The following MIPOL1 variants were observed in gnomAD, a reference collection of about 807,000 sequenced individuals.
The protein encoded by MIPOL1 is mirror-image polydactyly gene 1 protein.
Under a neutral mutation model 60.9 loss-of-function variants are expected in MIPOL1, and 57 were observed. The observed-to-expected ratio is 0.94, with a 90% CI of 0.76 to 1.17. The LOEUF is 1.17. Ranked by LOEUF, MIPOL1 falls within the 50% of genes most tolerant of loss-of-function variation. The probability of loss-of-function intolerance (pLI) is 0.00; values close to 1 mark genes in which losing one functional copy is unlikely to be tolerated. For synonymous variants in MIPOL1, 179 were observed against 168.8 expected, an observed-to-expected ratio of 1.06 and a Z score of -0.47; for missense variants, 551 against 511.6, an observed-to-expected ratio of 1.08 and a Z score of -0.74.
At chr14:37,363,043 A>G (rs1273366131) in intron 9 of MIPOL1, among the ~76,000 whole-genome samples, 1 of 152,092 alleles carries the variant, frequency 6.6e-6, no homozygotes, top group Non-Finnish European at 1.5e-5. Context: ...ATTCCTTGCC[A>G]TGGGTTAGAA....
At chr14:37,265,342 C>T (rs2082798984) in intron 3 of MIPOL1, 3 of 152,044 alleles carry the variant, frequency 2.0e-5, no homozygotes, top group Admixed American at 2.0e-4. Context: ...AAGCATAGTC[C>T]TTATTATACT....
chr14:37,447,112 C>G (rs1169793357), intron 11 of MIPOL1, among the ~76,000 whole-genome samples: 1 of 151,544 alleles, frequency 6.6e-6, no homozygotes. Context: ...AAAAGAGAAT[C>G]CTGCACATAT....
chr14:37,250,149 C>T (rs970905131), intron 3 of MIPOL1, among the ~76,000 whole-genome samples: 13 of 152,160 alleles, frequency 8.5e-5, no homozygotes, highest in African/African-American at 2.9e-4. Flanking sequence ...TTACAGCAGA[C>T]ATGACTGATA....
At chr14:37,451,039 G>A (rs1488958272) in intron 11 of MIPOL1, among the ~76,000 whole-genome samples, 14 of 152,052 alleles carry the variant, frequency 9.2e-5, no homozygotes, top group South Asian at 4.1e-4. Context: ...AGTTAATGCA[G>A]TCATAATATT....
chr14:37,354,755 G>T, intron 9 of MIPOL1, among the ~76,000 whole-genome samples: 1 of 86,170 alleles, frequency 1.2e-5, no homozygotes, highest in Non-Finnish European at 2.3e-5. Context: ...TTTTCCATTT[G>T]CTTGGTAGAT....
chr14:37,373,621 G>A (rs1304956171), intron 10 of MIPOL1, among the ~76,000 whole-genome samples: 1 of 151,962 alleles, frequency 6.6e-6, no homozygotes, highest in Non-Finnish European at 1.5e-5. Context: ...CCACTTATGA[G>A]TGAGAACATG....
intron 9 of MIPOL1, among the ~76,000 whole-genome samples, chr14:37,316,475 G>C (rs191377870): frequency 1.3e-5 from 2 of 152,120 alleles, no homozygotes; most frequent in Admixed American, 1.3e-4. Context: ...TGGAGTGTTT[G>C]AGGAGAAAAT....
chr14:37,362,405 T>C lies in MIPOL1; in HGVS notation c.829-7112T>C, dbSNP rs543374954. Among the ~76,000 whole-genome samples, 47 of 152,298 alleles carry C rather than the reference T, an allele frequency of 3.1e-4. 1 individual carries two copies. Among genetic ancestry groups the C allele is most frequent in the African/African-American group, 1.1e-3 (47 of 41,572 alleles). Reference sequence around the variant, plus strand: ...TGGATATGAAATTCTGGGTTGAAAATTCTTTTCTTTAAGAATGTTGAATAT... The same window carrying C: ...TGGATATGAAATTCTGGGTTGAAAACTCTTTTCTTTAAGAATGTTGAATAT... On this transcript the variant is annotated intron_variant, in intron 9 of 12. Transcript: ENST00000684589.
intron 11 of MIPOL1, among the ~76,000 whole-genome samples, chr14:37,496,934 G>A (rs935450476): frequency 1.3e-5 from 2 of 151,754 alleles, no homozygotes; most frequent in Non-Finnish European, 2.9e-5. Context: ...AAACAGCATG[G>A]TACTGGTACC....
intron 1 of MIPOL1, among the ~76,000 whole-genome samples, chr14:37,209,479 T>G (rs1966594226): frequency 6.6e-6 from 1 of 151,876 alleles, no homozygotes; most frequent in Non-Finnish European, 1.5e-5. Flanking sequence ...GCCAACATGG[T>G]GAAACCCCGT....
At chr14:37,401,750 A>G (rs1323160390) in intron 10 of MIPOL1, 1 of 152,268 alleles carries the variant, frequency 6.6e-6, no homozygotes, top group East Asian at 1.9e-4. Context: ...TCCAAAGAGG[A>G]TAAAACATTG....
At chr14:37,316,087 C>T (rs1333299706) in intron 9 of MIPOL1, among the ~76,000 whole-genome samples, 1 of 150,672 alleles carries the variant, frequency 6.6e-6, no homozygotes, top group Non-Finnish European at 1.5e-5. Flanking sequence ...CATGCAGTGG[C>T]GTGATATAAG....
intron 10 of MIPOL1, among the ~76,000 whole-genome samples, chr14:37,403,453 T>TC (rs1555332535): frequency 2.0e-5 from 3 of 148,820 alleles, no homozygotes; most frequent in South Asian, 2.1e-4. Flanking sequence ...TTTTTTTTTT[T>TC]CAAGTAGAGA....
At chr14:37,456,944 G>GT (rs1566638166) in intron 11 of MIPOL1, among the ~76,000 whole-genome samples, 2 of 152,046 alleles carry the variant, frequency 1.3e-5, no homozygotes, top group African/African-American at 2.4e-5. Flanking sequence ...CTTGAAAATT[G>GT]TAACTAATAT....
intron 12 of MIPOL1, among the ~76,000 whole-genome samples, chr14:37,527,042 C>T (rs2095452303): frequency 6.6e-6 from 1 of 151,958 alleles, no homozygotes; most frequent in South Asian, 2.1e-4. Flanking sequence ...ATTTTATTAG[C>T]AGTTTATTTT....
At chr14:37,242,459 C>T (rs971076024) in intron 1 of MIPOL1, among the ~76,000 whole-genome samples, 3 of 152,022 alleles carry the variant, frequency 2.0e-5, no homozygotes, top group African/African-American at 7.2e-5. Flanking sequence ...TCTTATTCAC[C>T]ATTTTATATC....
intron 12 of MIPOL1, chr14:37,501,498 T>C (rs552411961): frequency 3.9e-5 from 6 of 152,366 alleles, no homozygotes; most frequent in Non-Finnish European, 8.8e-5. Context: ...GGATGTGTTA[T>C]CAACCTTTTA....
chr14:37,526,063 C>T (rs1318661707), intron 12 of MIPOL1, among the ~76,000 whole-genome samples: 3 of 151,946 alleles, frequency 2.0e-5, no homozygotes, highest in African/African-American at 2.4e-5. Flanking sequence ...GCATATCAAA[C>T]GTTGTTAAAA....
At chr14:37,220,088 G>T (rs966448355) in intron 1 of MIPOL1, among the ~76,000 whole-genome samples, 1 of 151,994 alleles carries the variant, frequency 6.6e-6, no homozygotes, top group Non-Finnish European at 1.5e-5. Context: ...ATAACATTTT[G>T]ATTTTAGAAT....
Sources: gnomAD v4.1 joint callset for allele counts (sites outside exome capture counted in the v4.1 genomes callset) on GRCh38, gnomAD v4.1.1 for gene constraint, MANE v1.5 for transcripts, NCBI Gene and HGNC (gene_info 2026-07-23, HGNC 2026-07-21) for gene names.